Variants in ROR2 observed in about 807,000 individuals in gnomAD.
ROR2 encodes ROR family WNT receptor 2, also known as tyrosine-protein kinase transmembrane receptor ROR2.
A neutral mutation model predicts 74.9 loss-of-function variants in ROR2; 33 were observed. The observed-to-expected ratio is 0.44, with a 90% confidence interval of 0.33 to 0.59. ROR2 has a LOEUF of 0.59. Among genes scored for constraint, ROR2 ranks in the 20% least tolerant of loss-of-function variants. ROR2 has a pLI of 0.02. For synonymous variants in ROR2, 586 were observed against 558.7 expected (o/e 1.05, Z -0.69); for missense variants, 1,216 against 1,313.8 (o/e 0.93, Z 1.15).
chr9:91,834,097 G>A (rs908233023), intron 1 of ROR2, among the ~76,000 whole-genome samples: 4 of 152,134 alleles, frequency 2.6e-5, no homozygotes, highest in Non-Finnish European at 4.4e-5. Context: ...AACAGGTCTC[G>A]GGTTCCAAAG....
rs1416400250 is a variant in ROR2, at chr9:91,755,867, T to C, written c.494+204A>G. On this transcript the variant is annotated intron_variant, in intron 4 of 8. Coordinates refer to ENST00000375708, the MANE Select transcript of ROR2 (RefSeq NM_004560.4). ...GAAAGAAATTAACCATTTTTGTTTT[T>C]CTGACTTTTTTTCTGTACAAGAAAC... The C allele has an allele frequency of 4.8e-6, 3 of 629,422 alleles. No homozygotes were observed. The Admixed American group carries it at 8.3e-5, about 17-fold the overall frequency. 39.0% of individuals were successfully genotyped at this position (629,422 alleles called of 1,614,324 possible). A position where few individuals can be genotyped will look rare whatever the true frequency, so the allele number is the denominator to read the frequency against.
At chr9:91,826,018 C>A (rs945059999) in intron 1 of ROR2, among the ~76,000 whole-genome samples, 1 of 152,226 alleles carries the variant, frequency 6.6e-6, no homozygotes. Context: ...GCTTCGCCCC[C>A]CTGCCTGCTG....
chr9:91,947,183 C>T (rs1832034074), intron 1 of ROR2, among the ~76,000 whole-genome samples: 1 of 152,230 alleles, frequency 6.6e-6, no homozygotes, highest in African/African-American at 2.4e-5. Flanking sequence ...TTTTAAAAAA[C>T]CCATGTTGCT....
At chr9:91,883,270 G>A (rs1830171929) in intron 1 of ROR2, 1 of 152,188 alleles carries the variant, frequency 6.6e-6, no homozygotes, top group Non-Finnish European at 1.5e-5. Flanking sequence ...TGGAAGACGA[G>A]ATCCAGAAAG....
At chr9:91,888,695 T>C (rs1830350684) in intron 1 of ROR2, among the ~76,000 whole-genome samples, 1 of 152,164 alleles carries the variant, frequency 6.6e-6, no homozygotes, top group Non-Finnish European at 1.5e-5. Context: ...GAATAAAACA[T>C]GTGTCCATGT....
chr9:91,917,651 C>T (rs1247183760), intron 1 of ROR2, among the ~76,000 whole-genome samples: 1 of 152,228 alleles, frequency 6.6e-6, no homozygotes, highest in East Asian at 1.9e-4. Flanking sequence ...AGCACAGCAA[C>T]GGTGCTCCCC....
intron 1 of ROR2, among the ~76,000 whole-genome samples, chr9:91,909,729 G>C (rs567216207): frequency 6.7e-6 from 1 of 150,368 alleles, no homozygotes; most frequent in African/African-American, 2.5e-5. Context: ...ATCTTGGAAA[G>C]CTTTATGTCT....
chr9:91,840,787 C>T (rs767048920), intron 1 of ROR2, among the ~76,000 whole-genome samples: 6 of 152,240 alleles, frequency 3.9e-5, no homozygotes, highest in Admixed American at 6.5e-5. Context: ...ATCCCCTCTG[C>T]GTGTCCAAAT....
intron 2 of ROR2, among the ~76,000 whole-genome samples, chr9:91,763,468 G>A (rs1028156404): frequency 2.0e-5 from 3 of 152,206 alleles, no homozygotes; most frequent in African/African-American, 7.2e-5. Flanking sequence ...CCCTACAGCT[G>A]TGCCAGAATT....
chr9:91,887,483 T>C (rs564120699), intron 1 of ROR2, among the ~76,000 whole-genome samples: 35 of 152,364 alleles, frequency 2.3e-4, no homozygotes, highest in African/African-American at 6.7e-4. Context: ...AGATCTATGT[T>C]TGAACATGTG....
chr9:91,731,763 A>G (rs1029995951), intron 6 of ROR2, among the ~76,000 whole-genome samples: 2 of 152,082 alleles, frequency 1.3e-5, no homozygotes, highest in Non-Finnish European at 1.5e-5. Flanking sequence ...AAAAATACAA[A>G]AATTAGCCAG....
At chr9:91,755,872 C>CT (rs1825733666) in intron 4 of ROR2, 199 bp downstream of exon 4, 1 of 637,134 alleles carries the variant, frequency 1.6e-6, no homozygotes, top group Non-Finnish European at 2.8e-6. Context: ...GTTTTTCTGA[C>CT]TTTTTTTCTG....
intron 2 of ROR2, among the ~76,000 whole-genome samples, chr9:91,775,156 C>T (rs1406100095): frequency 6.6e-6 from 1 of 152,222 alleles, no homozygotes. Context: ...GTGGTGCTTG[C>T]TAAGGCAGCC....
chr9:91,816,389 C>G (rs1191343888), intron 1 of ROR2, among the ~76,000 whole-genome samples: 1 of 152,200 alleles, frequency 6.6e-6, no homozygotes, highest in Admixed American at 6.5e-5. Flanking sequence ...AGGACCTGCC[C>G]AGGCTCTTTG....
chr9:91,752,738 AAGG>A (rs1427301392), intron 4 of ROR2, among the ~76,000 whole-genome samples: 2 of 152,232 alleles, frequency 1.3e-5, no homozygotes, highest in Non-Finnish European at 2.9e-5. Context: ...TTAACTGAAG[AAGG>A]AGGAGCAAGA....
chr9:91,832,726 C>T (rs929335897), intron 1 of ROR2, among the ~76,000 whole-genome samples: 5 of 152,178 alleles, frequency 3.3e-5, no homozygotes, highest in African/African-American at 9.7e-5. Flanking sequence ...CCAAGTAAGT[C>T]GATTCCCTGT....
At chr9:91,876,568 TCC>T (rs1342012054) in intron 1 of ROR2, among the ~76,000 whole-genome samples, 1 of 151,914 alleles carries the variant, frequency 6.6e-6, no homozygotes, top group Admixed American at 6.6e-5. Flanking sequence ...TGCAGAAAGC[TCC>T]CAATATGAAA....
chr9:91,805,133 G>A (rs1169025984), intron 1 of ROR2, among the ~76,000 whole-genome samples: 1 of 152,206 alleles, frequency 6.6e-6, no homozygotes, highest in East Asian at 1.9e-4. Flanking sequence ...CCCCTCAGAA[G>A]CCCTGTCTGC....
At position 91,859,978 on chromosome 9, in the gene ROR2, G is replaced by A. The variant is rs142931003; in HGVS notation, c.98-84160C>T. On this transcript the variant is annotated intron_variant, in intron 1 of 8. Coordinates refer to ENST00000375708, the MANE Select transcript of ROR2 (RefSeq NM_004560.4). ...TGCCAGGGTGTGCTCAGTCCTGCGG[G>A]CCTGGACGCTGCTCCGGATGAGTAA... Among the ~76,000 whole-genome samples the A allele has an allele frequency of 1.1e-3, 167 of 152,290 alleles. 2 individuals carry two copies. The highest frequency in any genetic ancestry group is 9.8e-3 in the Admixed American group (150 of 15,310).
Sources: gnomAD v4.1 joint callset for allele counts (sites outside exome capture counted in the v4.1 genomes callset) on GRCh38, gnomAD v4.1.1 for gene constraint, MANE v1.5 for transcripts, NCBI Gene and HGNC (gene_info 2026-07-23, HGNC 2026-07-21) for gene names.